ITPRID1: variants seen among roughly 807,000 people sequenced by gnomAD.
The protein encoded by ITPRID1 is ITPR interacting domain containing 1.
Under a neutral mutation model 95.4 loss-of-function variants are expected in ITPRID1, and 96 were observed. The ratio of observed to expected loss-of-function variants is 1.01; its 90% CI spans 0.85 to 1.19. The LOEUF is 1.19. Ranked by LOEUF, ITPRID1 falls within the 50% of genes most tolerant of loss-of-function variation. ITPRID1 has a pLI of 0.00. For missense variants in ITPRID1, 1,339 were observed against 1,252.9 expected (o/e 1.07, Z -1.04); for synonymous variants, 510 against 453.6 (o/e 1.12, Z -1.58).
At chr7:31,572,843 G>T (rs577462129) in intron 7 of ITPRID1, among the ~76,000 whole-genome samples, 1 of 152,260 alleles carries the variant, frequency 6.6e-6, no homozygotes, top group Non-Finnish European at 1.5e-5. Flanking sequence ...GAAGCCTTTG[G>T]AAAGCAGGAA....
intron 10 of ITPRID1, among the ~76,000 whole-genome samples, chr7:31,587,677 A>G (rs10268416): frequency 0.1 from 15,020 of 149,588 alleles, 861 homozygotes; most frequent in African/African-American, 0.12. Context: ...AGCCCGCGTC[A>G]CCAAGGCAAT....
intron 10 of ITPRID1, among the ~76,000 whole-genome samples, chr7:31,601,444 T>C (rs183083185): frequency 2.6e-5 from 4 of 152,316 alleles, no homozygotes; most frequent in African/African-American, 9.6e-5. Flanking sequence ...GACTATCTTT[T>C]GGTTCTGGTT....
intron 12 of ITPRID1, 107 bp from the exon 13 acceptor site, chr7:31,651,035 T>C: frequency 7.8e-7 from 1 of 1,281,760 alleles, no homozygotes; most frequent in Non-Finnish European, 1.1e-6. Flanking sequence ...CAGTAGGGCC[T>C]GTTTGCGAAA....
chr7:31,549,070 G>A (rs1583484458), intron 1 of ITPRID1, among the ~76,000 whole-genome samples: 1 of 152,120 alleles, frequency 6.6e-6, no homozygotes, highest in Admixed American at 6.6e-5. Context: ...GATCCATTTG[G>A]ATGCAGAATG....
Position 31,643,007 on chromosome 7 carries a change from T to C in ITPRID1, c.1637T>C (p.Met546Thr), listed in dbSNP as rs770324659. 2 of 1,613,982 alleles carry C rather than the reference T, an allele frequency of 1.2e-6. No individual in the cohort carries two copies. Among genetic ancestry groups the C allele is most frequent in the Non-Finnish European group, 1.7e-6 (2 of 1,179,878 alleles). ...AGCCATCTGTGGCAGCTTCTGCCAATGCCCCATGCTGAGTATGAGGTCACC... is the reference window on the plus strand; with the variant it reads ...AGCCATCTGTGGCAGCTTCTGCCAACGCCCCATGCTGAGTATGAGGTCACC... ...KDSHLWQLLPMPHAEYEVTRP... is the reference protein window; with the variant it reads ...KDSHLWQLLPTPHAEYEVTRP... Residue 546 changes from methionine to threonine, a missense_variant, in exon 12 of 15, where the codon ATG becomes ACG. Physicochemically the swap from Met to Thr is moderately conservative, Grantham distance 81. Transcript: ENST00000615280.
chr7:31,556,029 A>G (rs1056973828), intron 5 of ITPRID1, among the ~76,000 whole-genome samples: 1 of 152,172 alleles, frequency 6.6e-6, no homozygotes, highest in African/African-American at 2.4e-5. Context: ...AATAGCCAGC[A>G]TTTCATATCC....
At chr7:31,530,885 G>A (rs896584127) in intron 1 of ITPRID1, among the ~76,000 whole-genome samples, 2 of 152,114 alleles carry the variant, frequency 1.3e-5, no homozygotes, top group African/African-American at 2.4e-5. Context: ...ATAATATATA[G>A]GATCTATATC....
chr7:31,653,022 C>A lies in ITPRID1; in HGVS notation c.*193C>A. On this transcript the variant is annotated 3_prime_UTR_variant, in exon 15 of 15. Transcript: ENST00000615280. Reference sequence around the variant, plus strand: ...ACTCATTCAGTATAGAATAACTGAGCACCTAGTATGTGCCTGGCACAGAGT... The same window carrying A: ...ACTCATTCAGTATAGAATAACTGAGAACCTAGTATGTGCCTGGCACAGAGT... 2 of 1,361,916 alleles carry A rather than the reference C, an allele frequency of 1.5e-6. No individual in the cohort carries two copies. The highest frequency in any genetic ancestry group is 1.9e-6 in the Non-Finnish European group (2 of 1,038,864). 84.4% of individuals were successfully genotyped at this position (1,361,916 alleles called of 1,614,324 possible).
chr7:31,611,881 C>T (rs1192456733), intron 10 of ITPRID1, among the ~76,000 whole-genome samples: 1 of 151,834 alleles, frequency 6.6e-6, no homozygotes, highest in Non-Finnish European at 1.5e-5. Context: ...TGGTTCTGTA[C>T]ATTGTTTCTC....
chr7:31,533,628 C>G (rs1414459987), intron 1 of ITPRID1, among the ~76,000 whole-genome samples: 1 of 152,148 alleles, frequency 6.6e-6, no homozygotes, highest in Non-Finnish European at 1.5e-5. Flanking sequence ...CTAATTACTT[C>G]CTCTGCATCC....
intron 12 of ITPRID1, among the ~76,000 whole-genome samples, chr7:31,645,759 G>C (rs1036325843): frequency 1.3e-5 from 2 of 152,158 alleles, no homozygotes; most frequent in Non-Finnish European, 2.9e-5. Flanking sequence ...CACAACGGGA[G>C]GGGGGTGGTT....
intron 10 of ITPRID1, among the ~76,000 whole-genome samples, chr7:31,635,605 T>C (rs1262432468): frequency 6.6e-6 from 1 of 152,226 alleles, no homozygotes; most frequent in Non-Finnish European, 1.5e-5. Flanking sequence ...TTACTCTTTC[T>C]ACCTTTTAGG....
At chr7:31,582,640 ATAACT>A (rs1283226504) in intron 9 of ITPRID1, among the ~76,000 whole-genome samples, 5 of 152,170 alleles carry the variant, frequency 3.3e-5, no homozygotes, top group African/African-American at 7.2e-5. Context: ...TTGTTTAATG[ATAACT>A]TTATTTTCAT....
At chr7:31,533,424 A>C (rs1201155901) in intron 1 of ITPRID1, among the ~76,000 whole-genome samples, 2 of 152,184 alleles carry the variant, frequency 1.3e-5, no homozygotes. Flanking sequence ...AAGAAACAAC[A>C]GTTGACTTTT....
intron 10 of ITPRID1, among the ~76,000 whole-genome samples, chr7:31,601,548 C>G (rs888554276): frequency 1.3e-5 from 2 of 152,160 alleles, no homozygotes; most frequent in Non-Finnish European, 2.9e-5. Context: ...AACAAAATTG[C>G]TCAAAGATGA....
chr7:31,551,209 T>G lies in ITPRID1; in HGVS notation c.-24+1710T>G, dbSNP rs575472196. Among the ~76,000 whole-genome samples, 2 of 143,996 alleles carry G rather than the reference T, an allele frequency of 1.4e-5. 1 individual carries two copies. Among genetic ancestry groups the G allele is most frequent in the Admixed American group, 1.4e-4 (2 of 14,292 alleles). 94.5% of individuals were successfully genotyped at this position (143,996 alleles called of 152,430 possible). The stretch of plus-strand genomic sequence containing the variant: ...CTTGTGAAATTTTGCACTGTCAGTG[T>G]CGATGCTGTTATTAGCATTCATGCT... On this transcript the variant is annotated intron_variant, in intron 2 of 14. Coordinates refer to ENST00000615280, the MANE Select transcript of ITPRID1 (RefSeq NM_001257967.3).
At position 31,578,416 on chromosome 7, in the gene ITPRID1, C is replaced by G. The variant is rs368760577; in HGVS notation, c.1152C>G (p.Asp384Glu). The G allele has an allele frequency of 5.0e-6, 8 of 1,606,608 alleles. No homozygotes were observed. Among genetic ancestry groups the G allele is most frequent in the Non-Finnish European group, 6.8e-6 (8 of 1,176,298 alleles). ...SLSHLAGKGPDSFEMEEVQSF... is the reference protein window; with the variant it reads ...SLSHLAGKGPESFEMEEVQSF... ...CTCATCTTGCAGGCAAAGGACCAGA[C>G]TCATTTGAAATGGAAGAGGTCAGTG... The change falls in exon 9 of 15, where the codon GAC (aspartate) becomes GAG (glutamate). Residue 384 changes from aspartate to glutamate, a missense_variant. Physicochemically the swap from Asp to Glu is conservative, Grantham distance 45. Coordinates refer to ENST00000615280, the MANE Select transcript of ITPRID1 (RefSeq NM_001257967.3).
intron 1 of ITPRID1, among the ~76,000 whole-genome samples, chr7:31,535,718 A>C (rs1052519735): frequency 2.0e-5 from 3 of 152,048 alleles, no homozygotes; most frequent in Non-Finnish European, 4.4e-5. Context: ...TTATTTTTGA[A>C]GAATATTTTA....
At chr7:31,530,455 T>A (rs1036078118) in intron 1 of ITPRID1, among the ~76,000 whole-genome samples, 1 of 152,188 alleles carries the variant, frequency 6.6e-6, no homozygotes, top group Non-Finnish European at 1.5e-5. Context: ...ATTTGAGTTT[T>A]AGATCAATAG....
Sources: gnomAD v4.1 joint callset for allele counts (sites outside exome capture counted in the v4.1 genomes callset) on GRCh38, gnomAD v4.1.1 for gene constraint, MANE v1.5 for transcripts, NCBI Gene and HGNC (gene_info 2026-07-23, HGNC 2026-07-21) for gene names.